Variants in CA10 observed in about 807,000 individuals in gnomAD.
The protein encoded by CA10 is carbonic anhydrase-related protein 10.
A neutral mutation model predicts 44.2 loss-of-function variants in CA10; 14 were observed. The ratio of observed to expected loss-of-function variants is 0.32; its 90% confidence interval spans 0.21 to 0.50. The LOEUF is 0.50. Among genes scored for constraint, CA10 ranks in the 20% least tolerant of loss-of-function variants. CA10 has a pLI of 0.99. For missense variants in CA10, 350 were observed against 409.7 expected, an observed-to-expected ratio of 0.85 and a Z score of 1.26; for synonymous variants, 159 against 141.6, an observed-to-expected ratio of 1.12 and a Z score of -0.87.
chr17:51,804,001 A>G (rs1907035440), intron 3 of CA10, among the ~76,000 whole-genome samples: 1 of 152,186 alleles, frequency 6.6e-6, no homozygotes, highest in Non-Finnish European at 1.5e-5. Flanking sequence ...GATCTTGACC[A>G]AGTTGCTAAA....
At chr17:51,631,733 T>G (rs747894840) in intron 8 of CA10, 127 bp from the exon 9 acceptor site, 1 of 782,758 alleles carries the variant, frequency 1.3e-6, no homozygotes, top group African/African-American at 1.7e-5. Flanking sequence ...AATGCCTGCT[T>G]ACTTATATGC....
At chr17:51,886,935 G>A (rs1206761839) in intron 3 of CA10, among the ~76,000 whole-genome samples, 1 of 151,916 alleles carries the variant, frequency 6.6e-6, no homozygotes, top group African/African-American at 2.4e-5. Flanking sequence ...CCATTCTCAC[G>A]CCTTACTTAT....
chr17:51,666,829 C>T (rs1914225772), intron 4 of CA10, among the ~76,000 whole-genome samples: 1 of 152,190 alleles, frequency 6.6e-6, no homozygotes, highest in Non-Finnish European at 1.5e-5. Flanking sequence ...GATCCCAACA[C>T]AGGCTTCTGA....
In CA10 at chr17:51,633,594, C is replaced by A; in HGVS notation, c.846G>T (p.Met282Ile). 3 of 1,613,868 alleles carry A rather than the reference C, an allele frequency of 1.9e-6. No homozygotes were observed. The highest frequency in any genetic ancestry group is 2.5e-6 in the Non-Finnish European group (3 of 1,179,868). Residue 282 changes from methionine (M) to isoleucine (I), a missense_variant, in exon 8 of 9, where the codon ATG becomes ATT. Met to Ile is a conservative substitution (Grantham distance 10). Transcript: ENST00000451037. ...GCTGGACAGGCCTGAAGTTGTCACTCATGCTCAGAAAGATCTGAGATGGCT... is the reference window on the plus strand; with the variant it reads ...GCTGGACAGGCCTGAAGTTGTCACTAATGCTCAGAAAGATCTGAGATGGCT... ...QNQPSQIFLSMSDNFRPVQPL... is the reference protein window; with the variant it reads ...QNQPSQIFLSISDNFRPVQPL...
intron 2 of CA10, among the ~76,000 whole-genome samples, chr17:51,944,739 T>G (rs1983211467): frequency 6.6e-6 from 1 of 152,108 alleles, no homozygotes; most frequent in Non-Finnish European, 1.5e-5. Context: ...AAATTACAGG[T>G]GAATATTAAC....
chr17:51,653,664 C>A lies in CA10; in HGVS notation c.538G>T (p.Val180Leu). 1 of 1,598,122 alleles carries A rather than the reference C, an allele frequency of 6.3e-7. No homozygotes were observed. Among genetic ancestry groups the A allele is most frequent in the Non-Finnish European group, 8.6e-7 (1 of 1,165,446 alleles). The change falls in exon 5 of 9, where the codon GTG (valine) becomes TTG (leucine). Residue 180 changes from valine to leucine, a missense_variant. Physicochemically the swap from Val to Leu is conservative, Grantham distance 32 (BLOSUM62 1). Coordinates refer to ENST00000451037, the MANE Select transcript of CA10 (RefSeq NM_020178.5). ...ACTTTTATAAATATAGAAACTACCA[C>A]CAATCCATTTGGACTCTTTGCAGCT... is the stretch of plus-strand genomic sequence containing the variant. Reference protein sequence around the residue: ...TEAAKSPNGLVVVSIFIKVSD... With the variant: ...TEAAKSPNGLLVVSIFIKVSD...
chr17:51,861,579 T>C (rs1205527964), intron 3 of CA10, among the ~76,000 whole-genome samples: 2 of 151,838 alleles, frequency 1.3e-5, no homozygotes, highest in Non-Finnish European at 2.9e-5. Context: ...TTGGGTCAAC[T>C]TTCTATATAC....
At chr17:51,975,949 G>A (rs1406157742) in intron 2 of CA10, among the ~76,000 whole-genome samples, 1 of 151,118 alleles carries the variant, frequency 6.6e-6, no homozygotes, top group African/African-American at 2.4e-5. Flanking sequence ...CAAAGACACA[G>A]GTCAAAAGGA....
intron 4 of CA10, among the ~76,000 whole-genome samples, chr17:51,657,364 T>C (rs1372091199): frequency 2.0e-5 from 3 of 152,188 alleles, no homozygotes; most frequent in Non-Finnish European, 2.9e-5. Flanking sequence ...TTCCAGGTCT[T>C]TGTTGGTGGT....
chr17:52,001,016 G>A (rs1168742309), intron 2 of CA10, among the ~76,000 whole-genome samples: 4 of 151,896 alleles, frequency 2.6e-5, no homozygotes, highest in Admixed American at 6.6e-5. Flanking sequence ...AGATAAGTAA[G>A]CTGCTGATAC....
intron 3 of CA10, among the ~76,000 whole-genome samples, chr17:51,799,243 C>A (rs1437963927): frequency 1.3e-5 from 2 of 152,170 alleles, no homozygotes; most frequent in South Asian, 2.1e-4. Flanking sequence ...AGTTCCTTAA[C>A]AATGCTGCAA....
At chr17:52,016,546 A>T (rs1241848152) in intron 2 of CA10, among the ~76,000 whole-genome samples, 2 of 152,084 alleles carry the variant, frequency 1.3e-5, no homozygotes, top group Non-Finnish European at 2.9e-5. Flanking sequence ...GTGGATCCTC[A>T]TAAATGTCTT....
intron 4 of CA10, among the ~76,000 whole-genome samples, chr17:51,656,695 C>T (rs1322955323): frequency 2.0e-5 from 3 of 152,230 alleles, no homozygotes; most frequent in African/African-American, 7.2e-5. Context: ...GCAGCAGCCA[C>T]AGCATCTAGG....
At chr17:52,083,729 C>T (rs1988042924) in intron 1 of CA10, among the ~76,000 whole-genome samples, 1 of 152,182 alleles carries the variant, frequency 6.6e-6, no homozygotes, top group Admixed American at 6.5e-5. Flanking sequence ...CATGTTGCTG[C>T]AAAAGATGTG....
At chr17:51,918,098 G>A (rs1982075458) in intron 3 of CA10, among the ~76,000 whole-genome samples, 1 of 152,150 alleles carries the variant, frequency 6.6e-6, no homozygotes, top group Non-Finnish European at 1.5e-5. Flanking sequence ...AATTTGACAA[G>A]CTCAGAATAA....
intron 3 of CA10, among the ~76,000 whole-genome samples, chr17:51,898,181 A>G (rs1452938265): frequency 1.3e-5 from 2 of 152,080 alleles, no homozygotes; most frequent in East Asian, 1.9e-4. Context: ...TTGCATTTTC[A>G]GTACGATGTT....
At chr17:52,046,599 A>G (rs1050280479) in intron 2 of CA10, among the ~76,000 whole-genome samples, 2 of 151,946 alleles carry the variant, frequency 1.3e-5, no homozygotes, top group Middle Eastern at 3.4e-3. Flanking sequence ...GTAGGCCTAG[A>G]TGGTTTCATT....
intron 2 of CA10, 109 bp from the exon 3 acceptor site, chr17:51,931,241 T>C (rs916463017): frequency 1.8e-5 from 19 of 1,066,018 alleles, no homozygotes; most frequent in Non-Finnish European, 2.6e-5. Flanking sequence ...AACCACCAAA[T>C]GTTCCCACCC....
intron 2 of CA10, among the ~76,000 whole-genome samples, chr17:51,959,302 G>C (rs1423157437): frequency 1.7e-4 from 26 of 149,710 alleles, no homozygotes; most frequent in African/African-American, 3.9e-4. Flanking sequence ...GTGTGTGTGT[G>C]TGTGTGTGTG....
Sources: allele counts gnomAD v4.1 joint callset (sites outside exome capture counted in the v4.1 genomes callset), GRCh38; gene constraint gnomAD v4.1.1; transcripts MANE v1.5; gene names NCBI Gene and HGNC (gene_info 2026-07-23, HGNC 2026-07-21).